Variants in SLC12A6 observed in about 807,000 individuals in gnomAD.
SLC12A6 encodes solute carrier family 12 member 6, also known as K-Cl cotransporter 3.
In SLC12A6, 66 loss-of-function variants were observed where a neutral mutation model predicts 135.3. The observed-to-expected ratio is 0.49, with a 90% CI of 0.40 to 0.60. The LOEUF (loss-of-function observed/expected upper bound fraction) is 0.60. SLC12A6 is among the 20% of genes least tolerant of loss of function. The pLI is 0.00. For synonymous variants in SLC12A6, 513 were observed against 508.8 expected, an observed-to-expected ratio of 1.01 and a Z score of -0.11; for missense variants, 1,058 against 1,452.3, an observed-to-expected ratio of 0.73 and a Z score of 4.41.
chr15:34,270,292 T>C (rs768606097), intron 3 of SLC12A6, among the ~76,000 whole-genome samples: 52 of 152,018 alleles, frequency 3.4e-4, no homozygotes, highest in Non-Finnish European at 1.0e-4. Flanking sequence ...GTTCTTGCAA[T>C]GTTGCCCAGT....
Position 34,244,030 on chromosome 15 carries a change from G to A in SLC12A6, c.1986C>T (p.Ala662=), listed in dbSNP as rs185395429. Residue 662 remains alanine, a synonymous_variant, in exon 16 of 26, where the codon GCC becomes GCT. Transcript: ENST00000354181. ...MCYLFVNLAC[A]LQTLLRTPNW... ...TGGGTGTTCGAAGTAATGTTTGCAA[G>A]GCACATGCCAAGTTTACAAAGAGGT... The A allele has an allele frequency of 6.2e-6, 10 of 1,609,390 alleles. No homozygotes were observed. In the East Asian group the frequency reaches 2.2e-4, roughly 36 times the overall value.
In SLC12A6 at chr15:34,233,864, C is replaced by T. The variant is rs764086996; in HGVS notation, c.*17G>A. On this transcript the variant is annotated 3_prime_UTR_variant, in exon 26 of 26. Coordinates refer to ENST00000354181, the MANE Select transcript of SLC12A6 (RefSeq NM_001365088.1). The stretch of plus-strand genomic sequence containing the variant: ...GCCTTTTAAGAAAACAGGTCAAGCA[C>T]GGTCATTCAGAGTAGGTTATGAATA... 7.8e-6 allele frequency: 11 copies of T among 1,410,082 alleles called. No individual in the cohort carries two copies. In the East Asian group the frequency reaches 1.1e-4, roughly 15 times the overall value. The allele number at this position is 1,410,082 out of a possible 1,614,324, so 87.3% of individuals were successfully genotyped here. A position where few individuals can be genotyped will look rare whatever the true frequency, so the allele number is the denominator to read the frequency against.
chr15:34,266,008 CTTTTTTTTTTTT>C (rs34173980), intron 3 of SLC12A6, among the ~76,000 whole-genome samples: 2 of 102,322 alleles, frequency 2.0e-5, no homozygotes, highest in African/African-American at 7.6e-5. Flanking sequence ...ATACAGAAAG[CTTTTTTTTTTTT>C]TTTTTTTTTT....
intron 2 of SLC12A6, among the ~76,000 whole-genome samples, chr15:34,278,451 C>T (rs535674451): frequency 3.3e-5 from 5 of 152,102 alleles, no homozygotes; most frequent in Admixed American, 2.6e-4. Flanking sequence ...AAATTAACTC[C>T]TCTATTGTGT....
rs1178991535 is a variant in SLC12A6, at chr15:34,323,347, T to C, written c.271+13063A>G. ...CAACCCCTGGGCCATGGACTGGTACTGGTCCCTGGCCTGTTAGGAACGGGG... is the reference window on the plus strand; with the variant it reads ...CAACCCCTGGGCCATGGACTGGTACCGGTCCCTGGCCTGTTAGGAACGGGG... On this transcript the variant is annotated intron_variant, in intron 2 of 25. Transcript: ENST00000354181. 2.0e-5 allele frequency among the ~76,000 whole-genome samples: 3 copies of C among 152,198 alleles called. No homozygotes were observed. The East Asian group carries it at 5.8e-4, about 29-fold the overall frequency.
intron 2 of SLC12A6, among the ~76,000 whole-genome samples, chr15:34,332,556 GGAGGATCATTT>G (rs1425594506): frequency 6.6e-6 from 1 of 152,196 alleles, no homozygotes; most frequent in African/African-American, 2.4e-5. Context: ...GGCCGAGGCA[GGAGGATCATTT>G]GAGGTCAGGA....
chr15:34,244,191 T>G (rs150009833), intron 15 of SLC12A6, 119 bp from the exon 16 acceptor site: 201 of 720,172 alleles, frequency 2.8e-4, no homozygotes, highest in African/African-American at 2.7e-3. Flanking sequence ...CTTGATTAAG[T>G]AGGAAGTAGG....
chr15:34,334,207 G>A (rs1890055078), intron 2 of SLC12A6, among the ~76,000 whole-genome samples: 1 of 152,154 alleles, frequency 6.6e-6, no homozygotes, highest in Non-Finnish European at 1.5e-5. Flanking sequence ...TGGGGGAAAG[G>A]AGAATCATAC....
At chr15:34,297,278 TTTAG>T (rs1178434253) in intron 2 of SLC12A6, among the ~76,000 whole-genome samples, 6 of 152,186 alleles carry the variant, frequency 3.9e-5, no homozygotes, top group Non-Finnish European at 7.3e-5. Context: ...TGGTATTTCA[TTTAG>T]TGACAACGTT....
intron 13 of SLC12A6, among the ~76,000 whole-genome samples, 190 bp downstream of exon 13, chr15:34,250,108 T>A (rs1484912088): frequency 1.3e-5 from 2 of 152,344 alleles, no homozygotes; most frequent in Middle Eastern, 3.4e-3. Flanking sequence ...TTTTGCCATG[T>A]TGCACAGGCT....
chr15:34,322,299 T>G (rs1889147257), intron 2 of SLC12A6, among the ~76,000 whole-genome samples: 1 of 151,930 alleles, frequency 6.6e-6, no homozygotes, highest in African/African-American at 2.4e-5. Context: ...GAGAATCACT[T>G]GAACCCGGGA....
chr15:34,323,250 CCG>C lies in SLC12A6; in HGVS notation c.271+13158_271+13159del, dbSNP rs528957712. Among the ~76,000 whole-genome samples the C allele has an allele frequency of 8.4e-3, 1,273 of 152,142 alleles. 12 individuals are homozygous for C. The highest frequency in any genetic ancestry group is 0.012 in the Non-Finnish European group (788 of 67,978). ...AGGAAGATATGCAAACCACTAAAAA[CCG>C]CTGAAACAGTGCTCATCCCTGGCCA... On this transcript the variant is annotated intron_variant, in intron 2 of 25. Transcript: ENST00000354181.
chr15:34,265,116 A>G (rs1197776412), intron 3 of SLC12A6, among the ~76,000 whole-genome samples: 4 of 152,122 alleles, frequency 2.6e-5, no homozygotes, highest in Admixed American at 6.6e-5. Flanking sequence ...AGAATGGCAT[A>G]AACCCAGGAG....
At chr15:34,302,957 CAAAAAAAA>C (rs35647149) in intron 2 of SLC12A6, among the ~76,000 whole-genome samples, 1 of 83,288 alleles carries the variant, frequency 1.2e-5, no homozygotes, top group African/African-American at 3.7e-5. Context: ...GACCCTGTCT[CAAAAAAAA>C]AAAAAAAAAA....
intron 2 of SLC12A6, among the ~76,000 whole-genome samples, chr15:34,288,946 T>C (rs1895317845): frequency 6.6e-6 from 1 of 152,210 alleles, no homozygotes; most frequent in East Asian, 1.9e-4. Context: ...ACAATTTGAC[T>C]TCCTCTCTTC....
At chr15:34,289,309 C>T (rs892018077) in intron 2 of SLC12A6, among the ~76,000 whole-genome samples, 3 of 152,306 alleles carry the variant, frequency 2.0e-5, no homozygotes, top group African/African-American at 4.8e-5. Flanking sequence ...TATGTTGAAC[C>T]AGCCTTGCAT....
At chr15:34,270,844 A>AG (rs1555383557) in intron 3 of SLC12A6, among the ~76,000 whole-genome samples, 4,793 of 143,928 alleles carry the variant, frequency 0.033, 108 homozygotes, top group Middle Eastern at 0.073. Context: ...AAAAAAAAAA[A>AG]AGAGAGAGAG....
chr15:34,258,674 G>C lies in SLC12A6; in HGVS notation c.543+139C>G, dbSNP rs112716447. 0.014 allele frequency: 11,001 copies of C among 781,400 alleles called. 111 individuals carry two copies. The highest frequency in any genetic ancestry group is 0.021 in the Middle Eastern group (66 of 3,134). The allele number at this position is 781,400 out of a possible 1,614,324, so 48.4% of individuals were successfully genotyped here. A position where few individuals can be genotyped will look rare whatever the true frequency, so the allele number is the denominator to read the frequency against. On this transcript the variant is annotated intron_variant, in intron 5 of 25. Coordinates refer to ENST00000354181, the MANE Select transcript of SLC12A6 (RefSeq NM_001365088.1). ...TCATATGTTTTCTTTGTGCTATGAC[G>C]CTGGTGCCCAGAACAGTTCCAGGCA...
chr15:34,318,947 C>A, intron 2 of SLC12A6: 1 of 369,002 alleles, frequency 2.7e-6, no homozygotes, highest in Non-Finnish European at 3.7e-6. Flanking sequence ...TGAAGAACCC[C>A]AAGAACAGTT....
Sources: allele counts gnomAD v4.1 joint callset (sites outside exome capture counted in the v4.1 genomes callset), GRCh38; gene constraint gnomAD v4.1.1; transcripts MANE v1.5; gene names NCBI Gene and HGNC (gene_info 2026-07-23, HGNC 2026-07-21).